DPYD: variants seen among roughly 807,000 people sequenced by gnomAD.
DPYD encodes dihydropyrimidine dehydrogenase.
In DPYD, 109 loss-of-function variants were observed where a neutral mutation model predicts 116.2. The observed-to-expected ratio is 0.94, with a 90% confidence interval of 0.80 to 1.10. DPYD has a LOEUF of 1.10. Ranked by LOEUF, DPYD falls within the 50% of genes least tolerant of loss-of-function variation. The probability of loss-of-function intolerance (pLI) is 0.00; values close to 1 mark genes in which losing one functional copy is unlikely to be tolerated. For synonymous variants in DPYD, 440 were observed against 432.0 expected, an observed-to-expected ratio of 1.02 and a Z score of -0.23; for missense variants, 1,302 against 1,254.5, an observed-to-expected ratio of 1.04 and a Z score of -0.57.
rs1351761434 is a variant in DPYD, at chr1:97,292,828, G to C, written c.2299+12431C>G. 2.7e-4 allele frequency among the ~76,000 whole-genome samples: 41 copies of C among 151,704 alleles called. 1 individual carries two copies. On this transcript the variant is annotated intron_variant, in intron 18 of 22. Coordinates refer to ENST00000370192, the MANE Select transcript of DPYD (RefSeq NM_000110.4). ...AGGGTTTGGGGATCTGGGAACACTA[G>C]GGTAAAAAGATATTTCAACAACACA...
chr1:97,451,994 T>C (rs995415465), intron 13 of DPYD, among the ~76,000 whole-genome samples: 3 of 152,150 alleles, frequency 2.0e-5, no homozygotes, highest in Admixed American at 1.3e-4. Flanking sequence ...TCAAGTGCCC[T>C]GGTACTGTGT....
chr1:97,155,822 C>T (rs890831284), intron 20 of DPYD, among the ~76,000 whole-genome samples: 11 of 152,142 alleles, frequency 7.2e-5, no homozygotes, highest in African/African-American at 1.2e-4. Context: ...CCAACGGTCT[C>T]ACTAAATAAG....
At chr1:97,839,704 T>C (rs1432024345) in intron 2 of DPYD, among the ~76,000 whole-genome samples, 1 of 152,206 alleles carries the variant, frequency 6.6e-6, no homozygotes, top group Non-Finnish European at 1.5e-5. Context: ...GTGACTTCTC[T>C]TACTAGGGGA....
Position 97,079,007 on chromosome 1 carries a change from C to T in DPYD, c.3047G>A (p.Gly1016Asp), listed in dbSNP as rs773868825. ...SRTTPYEPKR[G>D]VPLSVNPVC ...CACCGGATTCACAGATAAGGGTACG[C>T]CTCTCTTTGGTTCATAAGGTGTTGT... is the stretch of plus-strand genomic sequence containing the variant. Residue 1016 changes from glycine (G) to aspartate (D), a missense_variant, in exon 23 of 23, where the codon GGC becomes GAC. Gly to Asp is a moderately conservative substitution (Grantham distance 94). Coordinates refer to ENST00000370192, the MANE Select transcript of DPYD (RefSeq NM_000110.4). 2.5e-6 allele frequency: 4 copies of T among 1,613,650 alleles called. No individual in the cohort carries two copies. In the South Asian group the frequency reaches 4.4e-5, roughly 18 times the overall value.
intron 8 of DPYD, among the ~76,000 whole-genome samples, chr1:97,678,180 A>C (rs952650081): frequency 3.3e-5 from 5 of 152,248 alleles, no homozygotes; most frequent in African/African-American, 1.2e-4. Context: ...GGAGCATGCA[A>C]CTTAGATCCT....
At chr1:97,116,199 C>T (rs573459275) in intron 20 of DPYD, among the ~76,000 whole-genome samples, 5 of 152,186 alleles carry the variant, frequency 3.3e-5, no homozygotes, top group African/African-American at 1.2e-4. Context: ...AAACATTTAA[C>T]TTAAACCAAT....
intron 12 of DPYD, among the ~76,000 whole-genome samples, chr1:97,533,296 GTAGACTATTA>G (rs1444932331): frequency 6.6e-6 from 1 of 152,094 alleles, no homozygotes; most frequent in Non-Finnish European, 1.5e-5. Context: ...ATAATAGCAT[GTAGACTATTA>G]TAGCCTCTAC....
chr1:97,474,223 C>T (rs987062274), intron 13 of DPYD, among the ~76,000 whole-genome samples: 2 of 151,982 alleles, frequency 1.3e-5, no homozygotes, highest in African/African-American at 4.8e-5. Flanking sequence ...ATAAAATATT[C>T]TAACGATGAA....
At chr1:97,679,206 A>G in intron 7 of DPYD, 24 bp from the exon 8 acceptor site, 2 of 1,352,024 alleles carry the variant, frequency 1.5e-6, no homozygotes, top group Non-Finnish European at 2.1e-6. Flanking sequence ...TATTTTGCAT[A>G]AGAAAATTTG....
At chr1:97,781,771 A>G (rs1456259523) in intron 3 of DPYD, among the ~76,000 whole-genome samples, 1 of 152,240 alleles carries the variant, frequency 6.6e-6, no homozygotes, top group East Asian at 1.9e-4. Flanking sequence ...AATGATTTTA[A>G]CAAGTCAACT....
At chr1:97,135,164 G>C (rs1388290557) in intron 20 of DPYD, among the ~76,000 whole-genome samples, 1 of 152,028 alleles carries the variant, frequency 6.6e-6, no homozygotes, top group Admixed American at 6.6e-5. Flanking sequence ...CTTTTGAGTT[G>C]ATTTAGCTAA....
intron 18 of DPYD, among the ~76,000 whole-genome samples, chr1:97,285,270 C>A (rs970396164): frequency 2.0e-5 from 3 of 152,308 alleles, no homozygotes; most frequent in Admixed American, 6.5e-5. Flanking sequence ...TTGCTTCCAA[C>A]AACTGCTTGC....
At chr1:97,575,771 T>C (rs1653223716) in intron 10 of DPYD, among the ~76,000 whole-genome samples, 1 of 152,224 alleles carries the variant, frequency 6.6e-6, no homozygotes, top group Admixed American at 6.5e-5. Context: ...ATAGTTTCCT[T>C]ATATATAAAA....
At chr1:97,723,576 G>T (rs773951400) in intron 4 of DPYD, among the ~76,000 whole-genome samples, 2 of 151,506 alleles carry the variant, frequency 1.3e-5, no homozygotes, top group Non-Finnish European at 3.0e-5. Flanking sequence ...AGTTCTTTTA[G>T]TTGTGGTCTT....
intron 13 of DPYD, among the ~76,000 whole-genome samples, chr1:97,453,702 AAGAATTT>A (rs779846989): frequency 1.1e-4 from 17 of 152,098 alleles, no homozygotes; most frequent in Non-Finnish European, 1.8e-4. Flanking sequence ...TTCTACCTTT[AAGAATTT>A]TTTCTTTGTG....
chr1:97,192,890 ACTCACAGACCCATCATATGG>A (rs1253164469), intron 20 of DPYD, among the ~76,000 whole-genome samples, 159 bp downstream of exon 20: 1 of 152,160 alleles, frequency 6.6e-6, no homozygotes, highest in African/African-American at 2.4e-5. Flanking sequence ...TAAAAAGGTA[ACTCACAGACCCATCATATGG>A]CTGTAATCAA....
chr1:97,195,569 C>T (rs1658705323), intron 19 of DPYD, among the ~76,000 whole-genome samples: 1 of 37,376 alleles, frequency 2.7e-5, no homozygotes, highest in Non-Finnish European at 4.7e-5. Flanking sequence ...ACAGAACTCT[C>T]ATATATATAT....
chr1:97,177,249 AGAGAAATAT>A (rs1261237461), intron 20 of DPYD, among the ~76,000 whole-genome samples: 1 of 152,212 alleles, frequency 6.6e-6, no homozygotes, highest in African/African-American at 2.4e-5. Flanking sequence ...AAGAAATAAT[AGAGAAATAT>A]GAGAAAAATG....
chr1:97,260,587 A>G (rs1663810530), intron 18 of DPYD, among the ~76,000 whole-genome samples: 1 of 152,166 alleles, frequency 6.6e-6, no homozygotes, highest in Admixed American at 6.6e-5. Context: ...TTACCATAAA[A>G]TTAGAATGTT....
Sources: allele counts gnomAD v4.1 joint callset (sites outside exome capture counted in the v4.1 genomes callset), GRCh38; gene constraint gnomAD v4.1.1; transcripts MANE v1.5; gene names NCBI Gene and HGNC (gene_info 2026-07-23, HGNC 2026-07-21).